The following F8 variants were observed in gnomAD, a reference collection of about 807,000 sequenced individuals.
F8 encodes the protein coagulation factor VIII, also known as antihemophilic factor.
F8 carries 12 observed loss-of-function variants against 140.6 expected under a neutral mutation model. That is an observed-to-expected ratio of 0.09 (90% CI 0.05 to 0.14). The LOEUF (loss-of-function observed/expected upper bound fraction) is 0.14, where lower values mean the gene tolerates loss of function less well. Among genes scored for constraint, F8 ranks in the 10% least tolerant of loss-of-function variants. The pLI is 1.00. For synonymous variants in F8, 585 were observed against 614.6 expected (o/e 0.95, Z 0.71); for missense variants, 1,354 against 1,720.7 (o/e 0.79, Z 3.77).
rs782605508 is a variant in F8, at chrX:154,836,698, A to G, written c.*899T>C. On this transcript the variant is annotated 3_prime_UTR_variant, in exon 26 of 26. Coordinates refer to ENST00000360256, the MANE Select transcript of F8 (RefSeq NM_000132.4). ...ATATTTCCACAGAAATATTAAATGTATGTCCTTTAGAAGCCTAATGTCATC... is the reference window on the plus strand; with the variant it reads ...ATATTTCCACAGAAATATTAAATGTGTGTCCTTTAGAAGCCTAATGTCATC... 8.9e-6 allele frequency: 1 copy of G among 111,967 alleles called. No individual in the cohort carries two copies. Among genetic ancestry groups the G allele is most frequent in the East Asian group, 2.8e-4 (1 of 3,583 alleles). 9.2% of individuals were successfully genotyped at this position (111,967 alleles called of 1,213,427 possible).
At chrX:154,915,296 C>T (rs1439315999) in intron 14 of F8, among the ~76,000 whole-genome samples, 1 of 111,939 alleles carries the variant, frequency 8.9e-6, no homozygotes, top group African/African-American at 3.2e-5. Flanking sequence ...GGGGACACAG[C>T]CAAACCATAT....
At chrX:155,019,308 T>C (rs1557287294) in intron 1 of F8, among the ~76,000 whole-genome samples, 1 of 112,503 alleles carries the variant, frequency 8.9e-6, no homozygotes, top group African/African-American at 3.2e-5. Flanking sequence ...CTTTCATTGT[T>C]ATTATTTAAC....
chrX:154,859,657 C>G (rs891605407), intron 25 of F8, among the ~76,000 whole-genome samples: 2 of 111,209 alleles, frequency 1.8e-5, no homozygotes, highest in African/African-American at 6.5e-5. Context: ...AGAGATATAA[C>G]CTTTTTTAAA....
At chrX:154,866,862 T>A (rs2072735011) in intron 22 of F8, among the ~76,000 whole-genome samples, 1 of 99,780 alleles carries the variant, frequency 1.0e-5, no homozygotes, top group African/African-American at 3.7e-5. Context: ...AGAGCAGAAA[T>A]AAATAAAAAA....
Position 154,892,216 on chromosome X carries a change from T to C in F8, c.6429+3861A>G, listed in dbSNP as rs1444256600. On this transcript the variant is annotated intron_variant, in intron 22 of 25. Transcript: ENST00000360256. Reference sequence around the variant, plus strand: ...GTCGTATCTGCCTACAACCACAGGATACGGAGTATTCCTCAAAAGCTCTAT... The same window carrying C: ...GTCGTATCTGCCTACAACCACAGGACACGGAGTATTCCTCAAAAGCTCTAT... 8.9e-5 allele frequency among the ~76,000 whole-genome samples: 10 copies of C among 112,598 alleles called. No homozygotes were observed. The Admixed American group carries it at 9.3e-4, about 11-fold the overall frequency.
intron 6 of F8, among the ~76,000 whole-genome samples, chrX:154,982,459 A>T (rs1435805409): frequency 2.9e-5 from 3 of 104,033 alleles, no homozygotes; most frequent in Non-Finnish European, 3.9e-5. Flanking sequence ...AAAAAAAAAA[A>T]AAAAAATATA....
intron 1 of F8, among the ~76,000 whole-genome samples, chrX:155,003,892 T>C (rs1603436955): frequency 1.1e-5 from 1 of 91,126 alleles, no homozygotes; most frequent in Non-Finnish European, 2.1e-5. Context: ...ACCCAAGAGG[T>C]GGAGCTTGCA....
intron 14 of F8, among the ~76,000 whole-genome samples, chrX:154,917,800 C>G (rs1176504301): frequency 9.0e-6 from 1 of 110,645 alleles, no homozygotes; most frequent in African/African-American, 3.3e-5. Context: ...ATTTTGATTT[C>G]TCTGTTAAAT....
intron 1 of F8, among the ~76,000 whole-genome samples, chrX:155,015,080 A>G (rs1204515386): frequency 8.9e-6 from 1 of 112,507 alleles, no homozygotes; most frequent in Non-Finnish European, 1.9e-5. Flanking sequence ...AGATATACAC[A>G]TCTATGGAAC....
chrX:154,990,866 A>G (rs2073583994), intron 4 of F8, among the ~76,000 whole-genome samples: 1 of 111,422 alleles, frequency 9.0e-6, no homozygotes, highest in African/African-American at 3.3e-5. Flanking sequence ...TTAATGCACA[A>G]CTTTATGGGT....
At chrX:154,912,828 G>C (rs2073075249) in intron 14 of F8, among the ~76,000 whole-genome samples, 1 of 111,813 alleles carries the variant, frequency 8.9e-6, no homozygotes, top group East Asian at 2.8e-4. Context: ...AGGTGAAGGG[G>C]AAGCAAGGCA....
intron 6 of F8, among the ~76,000 whole-genome samples, chrX:154,981,639 T>G (rs1349302297): frequency 9.0e-6 from 1 of 111,272 alleles, no homozygotes; most frequent in Non-Finnish European, 1.9e-5. Context: ...AATTCTAATA[T>G]GAATATTTAT....
At chrX:154,861,906 C>T (rs1557272898) in intron 23 of F8, 40 bp from the exon 24 acceptor site, 2 of 1,198,596 alleles carry the variant, frequency 1.7e-6, no homozygotes. Context: ...CAAGGACATG[C>T]TTCAGCCTCA....
chrX:154,982,854 A>G (rs1324403684), intron 6 of F8, among the ~76,000 whole-genome samples: 1 of 112,499 alleles, frequency 8.9e-6, no homozygotes, highest in Admixed American at 9.4e-5. Flanking sequence ...AGTACTCCCA[A>G]GAAGCAGAGA....
Position 154,835,944 on chromosome X carries a change from A to G in F8, c.*1653T>C, listed in dbSNP as rs984959037. 7.1e-5 allele frequency: 8 copies of G among 112,362 alleles called. No homozygotes were observed. Among genetic ancestry groups the G allele is most frequent in the Admixed American group, 6.6e-4 (7 of 10,605 alleles). The allele number at this position is 112,362 out of a possible 1,213,427, so 9.3% of individuals were successfully genotyped here. Reference sequence around the variant, plus strand: ...GATTATCAAGTTAAACATAACAGGAAATAAAACCATATCACCTTTGGGGTT... The same window carrying G: ...GATTATCAAGTTAAACATAACAGGAGATAAAACCATATCACCTTTGGGGTT... On this transcript the variant is annotated 3_prime_UTR_variant, in exon 26 of 26. Transcript: ENST00000360256.
chrX:154,852,969 G>A (rs2072627038), intron 25 of F8, among the ~76,000 whole-genome samples: 1 of 112,079 alleles, frequency 8.9e-6, no homozygotes, highest in African/African-American at 3.2e-5. Flanking sequence ...AGAATATTAT[G>A]TCTTCAAATC....
At chrX:154,956,169 T>A (rs782495033) in intron 11 of F8, among the ~76,000 whole-genome samples, 43 of 112,364 alleles carry the variant, frequency 3.8e-4, no homozygotes, top group Non-Finnish European at 6.8e-4. Flanking sequence ...AGTCAGACTT[T>A]ATGGTTATCT....
chrX:154,859,088 G>T (rs781949811), intron 25 of F8, among the ~76,000 whole-genome samples: 15 of 111,053 alleles, frequency 1.4e-4, no homozygotes, highest in Non-Finnish European at 2.3e-4. Flanking sequence ...TATTCTTGCT[G>T]CCTGTCTGCC....
chrX:154,912,140 C>A (rs1207839921), intron 14 of F8, among the ~76,000 whole-genome samples: 2 of 112,129 alleles, frequency 1.8e-5, no homozygotes, highest in African/African-American at 6.5e-5. Context: ...TTCATCCCAT[C>A]CTGTAGGTTG....
Sources: gnomAD v4.1 joint callset for allele counts (sites outside exome capture counted in the v4.1 genomes callset) on GRCh38, gnomAD v4.1.1 for gene constraint, MANE v1.5 for transcripts, NCBI Gene and HGNC (gene_info 2026-07-23, HGNC 2026-07-21) for gene names.